ULBP3: variants seen among roughly 807,000 people sequenced by gnomAD.
The protein encoded by ULBP3 is UL16 binding protein 3.
Under a neutral mutation model 24.9 loss-of-function variants are expected in ULBP3, and 25 were observed. That is an observed-to-expected ratio of 1.00 (90% confidence interval 0.73 to 1.40). ULBP3 has a LOEUF of 1.40. Ranked by LOEUF, ULBP3 falls within the 40% of genes most tolerant of loss-of-function variation. ULBP3 has a pLI of 0.00. For missense variants in ULBP3, 306 were observed against 307.5 expected (o/e 1.00, Z 0.04); for synonymous variants, 114 against 114.7 (o/e 0.99, Z 0.04).
intron 4 of ULBP3, among the ~76,000 whole-genome samples, chr6:150,064,238 G>A (rs1776312860): frequency 1.3e-5 from 2 of 152,130 alleles, no homozygotes; most frequent in Admixed American, 1.3e-4. Context: ...GACTGCCCAT[G>A]CCTGAGTTCC....
intron 3 of ULBP3, among the ~76,000 whole-genome samples, chr6:150,065,097 G>T (rs1776325953): frequency 6.6e-6 from 1 of 151,976 alleles, no homozygotes; most frequent in African/African-American, 2.4e-5. Context: ...AAGGAGAAAG[G>T]TCTAGAAACA....
At chr6:150,063,416 A>G in intron 4 of ULBP3, 65 bp from the exon 5 acceptor site, 2 of 848,246 alleles carry the variant, frequency 2.4e-6, no homozygotes, top group Non-Finnish European at 2.8e-6. Context: ...CTCCTGGGTG[A>G]TCCTTCCCAG....
chr6:150,068,146 C>T (rs1283271981), intron 1 of ULBP3, among the ~76,000 whole-genome samples: 1 of 152,140 alleles, frequency 6.6e-6, no homozygotes, highest in Non-Finnish European at 1.5e-5. Context: ...GGCTACACCC[C>T]CCCACCCTCA....
intron 1 of ULBP3, 128 bp downstream of exon 1, chr6:150,068,851 G>A: frequency 1.0e-6 from 1 of 996,788 alleles, no homozygotes; most frequent in Non-Finnish European, 1.4e-6. Flanking sequence ...AATCGGAACT[G>A]AGCGTGGGGG....
rs199897950 is a variant in ULBP3, at chr6:150,066,075, T to G, written c.176A>C (p.Gln59Pro). The change falls in exon 2 of 5, where the codon CAG becomes CCG. Residue 59 changes from glutamine (Q) to proline (P), a missense_variant. Physicochemically the swap from Gln to Pro is moderately conservative, Grantham distance 76. Coordinates refer to ENST00000367339, the MANE Select transcript of ULBP3 (RefSeq NM_024518.3). Reference protein sequence around the residue: ...QWCEVQSQVDQKNFLSYDCGS... With the variant: ...QWCEVQSQVDPKNFLSYDCGS... The stretch of plus-strand genomic sequence containing the variant: ...ACAGTCATAGGAGAGAAAATTCTTC[T>G]GATCCACCTGGCTCTGGACCTCACA... The G allele has an allele frequency of 6.2e-7, 1 of 1,614,246 alleles. No homozygotes were observed. The highest frequency in any genetic ancestry group is 8.5e-7 in the Non-Finnish European group (1 of 1,180,050).
At chr6:150,064,522 C>T in intron 4 of ULBP3, 63 bp downstream of exon 4, 1 of 1,467,078 alleles carries the variant, frequency 6.8e-7, no homozygotes, top group Non-Finnish European at 9.5e-7. Context: ...GGAAATTCTC[C>T]TTTCCCTTCC....
chr6:150,068,069 A>C (rs996767904), intron 1 of ULBP3, among the ~76,000 whole-genome samples: 9 of 152,130 alleles, frequency 5.9e-5, no homozygotes. Flanking sequence ...TGGGATGGGC[A>C]GGAGCAGGGC....
At chr6:150,063,642 G>A (rs1356111539) in intron 4 of ULBP3, among the ~76,000 whole-genome samples, 30 of 152,226 alleles carry the variant, frequency 2.0e-4, no homozygotes, top group Admixed American at 1.7e-3. Flanking sequence ...TCATAGAAGG[G>A]TCTAGAGGAC....
chr6:150,061,915 A>ATTTGTG lies in ULBP3; in HGVS notation c.*1458_*1459insCACAAA, dbSNP rs1776278319. 6.6e-6 allele frequency among the ~76,000 whole-genome samples: 1 copy of ATTTGTG among 152,066 alleles called. No individual in the cohort carries two copies. Among genetic ancestry groups the ATTTGTG allele is most frequent in the Non-Finnish European group, 1.5e-5 (1 of 68,018 alleles). ...CCTCTGCAGCCTCACCACCATCTCC[A>ATTTGTG]ACTTTGTGACTGGTAAGAGATGGTA... On this transcript the variant is annotated 3_prime_UTR_variant, in exon 5 of 5. Transcript: ENST00000367339.
chr6:150,063,761 G>A (rs1448395419), intron 4 of ULBP3, among the ~76,000 whole-genome samples: 2 of 152,326 alleles, frequency 1.3e-5, no homozygotes, highest in South Asian at 4.1e-4. Context: ...TCCTCACCCT[G>A]GGAGCTGCAC....
chr6:150,063,317 C>G lies in ULBP3; in HGVS notation c.*57G>C. Reference sequence around the variant, plus strand: ...CCTGAAGGGAGAGCAGGAACCAGACCAGGCTAACAGAGGCTTCTTGATATC... The same window carrying G: ...CCTGAAGGGAGAGCAGGAACCAGACGAGGCTAACAGAGGCTTCTTGATATC... On this transcript the variant is annotated 3_prime_UTR_variant, in exon 5 of 5. Transcript: ENST00000367339. 1 of 974,182 alleles carries G rather than the reference C, an allele frequency of 1.0e-6. No homozygotes were observed. Among genetic ancestry groups the G allele is most frequent in the Non-Finnish European group, 1.2e-6 (1 of 819,762 alleles). 60.3% of individuals were successfully genotyped at this position (974,182 alleles called of 1,614,324 possible).
Position 150,062,416 on chromosome 6 carries a change from A to G in ULBP3, c.*958T>C, listed in dbSNP as rs1376365520. On this transcript the variant is annotated 3_prime_UTR_variant, in exon 5 of 5. Transcript: ENST00000367339. ...CTAAATATAAAACAATTTGCCAGGCATGGTGGCATGCGCCTGTAGTCCCAG... is the reference window on the plus strand; with the variant it reads ...CTAAATATAAAACAATTTGCCAGGCGTGGTGGCATGCGCCTGTAGTCCCAG... Among the ~76,000 whole-genome samples the G allele has an allele frequency of 6.6e-6, 1 of 152,192 alleles. No homozygotes were observed. Among genetic ancestry groups the G allele is most frequent in the Non-Finnish European group, 1.5e-5 (1 of 68,028 alleles).
rs761853967 is a variant in ULBP3, at chr6:150,065,410, G to A, written c.616C>T (p.Leu206=). The change falls in exon 3 of 5, where the codon CTG becomes TTG. Residue 206 remains leucine (L), a synonymous_variant. Coordinates refer to ENST00000367339, the MANE Select transcript of ULBP3 (RefSeq NM_024518.3). ...RDFLMHRKKR[L]EPTAPPTMAP... is the part of the protein sequence containing the mutation. ...CCCTGTCAGTTACCTGTGGGTTCCA[G>A]CCTCTTCTTCCTGTGCATCAGGAAG... 1.9e-6 allele frequency: 3 copies of A among 1,614,074 alleles called. No homozygotes were observed. The highest frequency in any genetic ancestry group is 4.5e-5 in the East Asian group (2 of 44,866).
Position 150,065,442 on chromosome 6 carries a change from A to G in ULBP3, c.584T>C (p.Leu195Pro), listed in dbSNP as rs755287168. 6.2e-7 allele frequency: 1 copy of G among 1,614,146 alleles called. No individual in the cohort carries two copies. Among genetic ancestry groups the G allele is most frequent in the African/African-American group, 1.3e-5 (1 of 75,014 alleles). The change falls in exon 3 of 5, where the codon CTT becomes CCT. Residue 195 changes from leucine to proline, a missense_variant. Leu to Pro is a moderately conservative substitution (Grantham distance 98, BLOSUM62 -3). Coordinates refer to ENST00000367339, the MANE Select transcript of ULBP3 (RefSeq NM_024518.3). ...MVSMRDCKSW[L>P]RDFLMHRKKR... is the part of the protein sequence containing the mutation. ...CTTCCTGTGCATCAGGAAGTCCCTA[A>G]GCCAGCTCTTGCAGTCTCTCATTGA... is the stretch of plus-strand genomic sequence containing the variant.
chr6:150,064,477 G>T (rs564466074), intron 4 of ULBP3, 108 bp downstream of exon 4: 1 of 1,004,362 alleles, frequency 1.0e-6, no homozygotes. Context: ...ATGTCAGAAC[G>T]AGAAGGTCCC....
In ULBP3 at chr6:150,065,561, GT is replaced by G. The variant is rs751312870; in HGVS notation, c.464del (p.Asn155ThrfsTer15). On this transcript the variant is annotated frameshift_variant, in exon 3 of 5. Transcript: ENST00000367339. LOFTEE classifies it high-confidence loss of function. ...DGRKFLLFDS[N>X]NRKWTVVHAG... ...CGTGAACCACTGTCCACTTTCTGTT[GT>G]TTGAGTCAAAGAGGAGGAACTTCCG... 4 of 1,614,146 alleles carry G rather than the reference GT, an allele frequency of 2.5e-6. No individual in the cohort carries two copies. In the South Asian group the frequency reaches 3.3e-5, roughly 13 times the overall value.
chr6:150,066,771 A>C (rs1380080621), intron 1 of ULBP3, among the ~76,000 whole-genome samples: 1 of 152,162 alleles, frequency 6.6e-6, no homozygotes, highest in African/African-American at 2.4e-5. Context: ...CTCTGTGCTC[A>C]AGGGAAGCCT....
At chr6:150,064,790 C>A in intron 3 of ULBP3, 77 bp from the exon 4 acceptor site, 1 of 1,463,982 alleles carries the variant, frequency 6.8e-7, no homozygotes, top group Non-Finnish European at 9.4e-7. Flanking sequence ...CTCCTGCTAC[C>A]CCAGGTCATC....
intron 1 of ULBP3, among the ~76,000 whole-genome samples, chr6:150,066,404 C>G (rs750986692): frequency 2.6e-5 from 4 of 152,174 alleles, no homozygotes; most frequent in Admixed American, 6.5e-5. Flanking sequence ...AGGCCCACTA[C>G]AGGAAGAAGG....
Sources: allele counts gnomAD v4.1 joint callset (sites outside exome capture counted in the v4.1 genomes callset), GRCh38; gene constraint gnomAD v4.1.1; transcripts MANE v1.5; gene names NCBI Gene and HGNC (gene_info 2026-07-23, HGNC 2026-07-21).